The following AUTS2 variants were observed in gnomAD, a reference collection of about 807,000 sequenced individuals.
The protein encoded by AUTS2 is autism susceptibility gene 2 protein.
A neutral mutation model predicts 112.4 loss-of-function variants in AUTS2; 17 were observed. The observed-to-expected ratio is 0.15, with a 90% CI of 0.10 to 0.23. The LOEUF is 0.23. AUTS2 is among the 10% of genes least tolerant of loss of function. AUTS2 has a pLI of 1.00. For missense variants in AUTS2, 1,510 were observed against 1,701.6 expected, an observed-to-expected ratio of 0.89 and a Z score of 1.98; for synonymous variants, 751 against 702.7, an observed-to-expected ratio of 1.07 and a Z score of -1.09.
intron 4 of AUTS2, among the ~76,000 whole-genome samples, chr7:70,409,683 T>A (rs759131361): frequency 6.6e-6 from 1 of 152,200 alleles, no homozygotes; most frequent in Non-Finnish European, 1.5e-5. Context: ...TGCCTTAGCC[T>A]TTCATTCTGA....
chr7:70,495,630 A>ACC (rs1798430673), intron 5 of AUTS2, among the ~76,000 whole-genome samples: 1 of 137,280 alleles, frequency 7.3e-6, no homozygotes, highest in African/African-American at 2.7e-5. Flanking sequence ...GCACACACAC[A>ACC]CCCCACACAT....
intron 5 of AUTS2, among the ~76,000 whole-genome samples, chr7:70,675,028 T>A (rs570043032): frequency 5.3e-5 from 8 of 152,318 alleles, no homozygotes; most frequent in Admixed American, 3.9e-4. Context: ...TGGCAATTTC[T>A]ATCCCTTTAT....
chr7:69,806,604 G>A (rs961616468), intron 1 of AUTS2, among the ~76,000 whole-genome samples: 1 of 152,116 alleles, frequency 6.6e-6, no homozygotes, highest in Non-Finnish European at 1.5e-5. Context: ...AAGTAGCTGG[G>A]ACTGCAGGTG....
At chr7:70,618,997 C>T (rs746008035) in intron 5 of AUTS2, among the ~76,000 whole-genome samples, 16 of 152,030 alleles carry the variant, frequency 1.1e-4, no homozygotes, top group Non-Finnish European at 2.4e-4. Context: ...ACATACACAC[C>T]ATACGTATGT....
rs183457158 is a variant in AUTS2, at chr7:69,897,384, C to T, written c.310-1902C>T. 9.5e-4 allele frequency among the ~76,000 whole-genome samples: 144 copies of T among 152,188 alleles called. 1 individual carries two copies. The highest frequency in any genetic ancestry group is 2.0e-3 in the Admixed American group (30 of 15,280). On this transcript the variant is annotated intron_variant, in intron 1 of 18. Coordinates refer to ENST00000342771, the MANE Select transcript of AUTS2 (RefSeq NM_015570.4). ...GCTGGGAAGTCCAAGGTGGAGGCAC[C>T]AGCAGATTCTGTGTCTGGTGAGAGC... is the stretch of plus-strand genomic sequence containing the variant.
At chr7:70,088,528 T>TC (rs1803737244) in intron 2 of AUTS2, among the ~76,000 whole-genome samples, 1 of 57,392 alleles carries the variant, frequency 1.7e-5, no homozygotes, top group Non-Finnish European at 3.4e-5. Flanking sequence ...TTTTGCTCTC[T>TC]TTTTTTTTTT....
chr7:70,512,403 T>G (rs113281450), intron 5 of AUTS2, among the ~76,000 whole-genome samples: 9 of 152,274 alleles, frequency 5.9e-5, no homozygotes, highest in African/African-American at 1.4e-4. Context: ...GTTCTTCAAC[T>G]CACTTGTGAC....
At chr7:70,151,161 G>C (rs58148320) in intron 4 of AUTS2, among the ~76,000 whole-genome samples, 6,946 of 152,204 alleles carry the variant, frequency 0.046, 199 homozygotes, top group East Asian at 0.13. Flanking sequence ...AGAGTATTAG[G>C]GGGGAGGGGT....
chr7:70,105,455 T>C (rs1389425168), intron 2 of AUTS2, among the ~76,000 whole-genome samples: 1 of 152,122 alleles, frequency 6.6e-6, no homozygotes, highest in Non-Finnish European at 1.5e-5. Flanking sequence ...GATTGAGTCT[T>C]GCTATGTTTC....
At chr7:70,128,902 A>G (rs1806118620) in intron 3 of AUTS2, among the ~76,000 whole-genome samples, 1 of 152,070 alleles carries the variant, frequency 6.6e-6, no homozygotes, top group South Asian at 2.1e-4. Context: ...TGGCTTATAG[A>G]TGCATCATTC....
chr7:69,777,739 G>A (rs1002614053), intron 1 of AUTS2, among the ~76,000 whole-genome samples: 2 of 152,018 alleles, frequency 1.3e-5, no homozygotes, highest in Admixed American at 6.6e-5. Context: ...AAAACTTTGG[G>A]CTTCAGAGTC....
At chr7:69,960,418 A>C (rs1265866654) in intron 2 of AUTS2, among the ~76,000 whole-genome samples, 1 of 152,188 alleles carries the variant, frequency 6.6e-6, no homozygotes, top group Non-Finnish European at 1.5e-5. Flanking sequence ...TAGTCAATGA[A>C]TATTAAAGAA....
At chr7:69,957,750 T>C (rs1429043890) in intron 2 of AUTS2, among the ~76,000 whole-genome samples, 2 of 152,114 alleles carry the variant, frequency 1.3e-5, no homozygotes, top group Non-Finnish European at 2.9e-5. Flanking sequence ...AGGGTGTTTG[T>C]GTACAAATTA....
rs749300038 is a variant in AUTS2, at chr7:70,785,942, A to G, written c.2225-13A>G. On this transcript the variant is annotated splice_polypyrimidine_tract_variant and intron_variant, in intron 16 of 18. Transcript: ENST00000342771. ...GCCCCTGACCATTTCCTTCTTCCCC[A>G]TCTTGTTTGCAGAGCCTTTTAATCG... is the stretch of plus-strand genomic sequence containing the variant. The G allele has an allele frequency of 1.1e-5, 18 of 1,613,442 alleles. No homozygotes were observed. Among genetic ancestry groups the G allele is most frequent in the Non-Finnish European group, 1.5e-5 (18 of 1,179,756 alleles).
intron 1 of AUTS2, among the ~76,000 whole-genome samples, chr7:69,797,989 A>G (rs1016792984): frequency 6.6e-6 from 1 of 151,992 alleles, no homozygotes; most frequent in Non-Finnish European, 1.5e-5. Flanking sequence ...GGCACCTGGG[A>G]CTTCTTGGTC....
chr7:70,703,490 C>CAAAAAAAAAA, intron 6 of AUTS2, among the ~76,000 whole-genome samples: 1 of 98,640 alleles, frequency 1.0e-5, no homozygotes, highest in Non-Finnish European at 1.9e-5. Flanking sequence ...GACACCATTT[C>CAAAAAAAAAA]AAAAAAAAAA....
rs115797188 is a variant in AUTS2, at chr7:70,754,355, G to A, written c.743-8515G>A. On this transcript the variant is annotated intron_variant, in intron 6 of 18. Coordinates refer to ENST00000342771, the MANE Select transcript of AUTS2 (RefSeq NM_015570.4). ...AATATAAACAATTAACCAGCATGGT[G>A]GCACATGCCTCAGCCTCCCAGCTAC... 5.5e-3 allele frequency among the ~76,000 whole-genome samples: 838 copies of A among 152,170 alleles called. 8 individuals carry two copies. The highest frequency in any genetic ancestry group is 0.015 in the African/African-American group (602 of 41,506).
chr7:70,428,853 A>G (rs1031275332), intron 4 of AUTS2, among the ~76,000 whole-genome samples: 1 of 152,252 alleles, frequency 6.6e-6, no homozygotes, highest in African/African-American at 2.4e-5. Flanking sequence ...TTGTTGCTAC[A>G]TTCTGAATGA....
At chr7:70,765,700 G>A (rs1017024303) in intron 8 of AUTS2, among the ~76,000 whole-genome samples, 8 of 152,146 alleles carry the variant, frequency 5.3e-5, no homozygotes, top group South Asian at 2.1e-4. Context: ...GCACTTAAAC[G>A]TGCAAATTGC....
Sources: gnomAD v4.1 joint callset for allele counts (sites outside exome capture counted in the v4.1 genomes callset) on GRCh38, gnomAD v4.1.1 for gene constraint, MANE v1.5 for transcripts, NCBI Gene and HGNC (gene_info 2026-07-23, HGNC 2026-07-21) for gene names.